PLXNA1: variants seen among roughly 807,000 people sequenced by gnomAD.
PLXNA1 encodes the protein plexin-A1.
Under a neutral mutation model 191.7 loss-of-function variants are expected in PLXNA1, and 77 were observed. The observed-to-expected ratio is 0.40, with a 90% CI of 0.33 to 0.49. The LOEUF is 0.49. Ranked by LOEUF, PLXNA1 falls within the 20% of genes least tolerant of loss-of-function variation. PLXNA1 has a pLI of 0.63. For missense variants in PLXNA1, 2,110 were observed against 2,660.2 expected, an observed-to-expected ratio of 0.79 and a Z score of 4.55; for synonymous variants, 1,137 against 1,156.4, an observed-to-expected ratio of 0.98 and a Z score of 0.34.
intron 9 of PLXNA1, 119 bp from the exon 10 acceptor site, chr3:127,011,839 G>A: frequency 1.1e-6 from 1 of 933,560 alleles, no homozygotes; most frequent in Non-Finnish European, 1.7e-6. Flanking sequence ...TGCATAAAAT[G>A]GGCACATTGG....
chr3:127,027,685 T>C, intron 23 of PLXNA1: 1 of 645,080 alleles, frequency 1.6e-6, no homozygotes, highest in Non-Finnish European at 2.9e-6. Context: ...GATACACTAC[T>C]GCGCCTCCTG....
chr3:127,033,398 G>C (rs557868967), intron 31 of PLXNA1, among the ~76,000 whole-genome samples: 1 of 152,334 alleles, frequency 6.6e-6, no homozygotes, highest in African/African-American at 2.4e-5. Flanking sequence ...GAGTGAACCA[G>C]AGCCACCCTG....
chr3:126,989,234 A>T lies in PLXNA1; in HGVS notation c.641A>T (p.Asp214Val), dbSNP rs763985958. The stretch of plus-strand genomic sequence containing the variant: ...CTCATGGCCAACGAGGAGGATGCCG[A>T]CATGTTCGGCTTCGTGTACCAGGAT... ...RRLMANEEDA[D>V]MFGFVYQDEF... Residue 214 changes from aspartate (D) to valine (V), a missense_variant, in exon 2 of 32, where the codon GAC becomes GTC. By Grantham distance (152) the Asp-to-Val change is radical. Transcript: ENST00000393409. The T allele has an allele frequency of 2.6e-5, 42 of 1,613,546 alleles. No homozygotes were observed. The highest frequency in any genetic ancestry group is 3.5e-5 in the Non-Finnish European group (41 of 1,180,058).
intron 3 of PLXNA1, among the ~76,000 whole-genome samples, chr3:127,001,507 GA>G (rs1275254506): frequency 6.6e-6 from 1 of 152,194 alleles, no homozygotes; most frequent in African/African-American, 2.4e-5. Context: ...TTCACAGCGG[GA>G]AGCCGCTGGG....
intron 19 of PLXNA1, 28 bp from the exon 20 acceptor site, chr3:127,018,266 C>T (rs367550031): frequency 2.6e-6 from 4 of 1,552,254 alleles, no homozygotes; most frequent in Non-Finnish European, 3.5e-6. Context: ...GCATGGGAAG[C>T]TCCTGAGTGG....
At chr3:126,991,659 G>T in intron 3 of PLXNA1, 93 bp downstream of exon 3, 1 of 1,308,102 alleles carries the variant, frequency 7.6e-7, no homozygotes, top group South Asian at 1.5e-5. Flanking sequence ...GCTGCTGTAT[G>T]CTGTGGGAGG....
In PLXNA1 at chr3:127,008,689, G is replaced by C. The variant is rs561363307; in HGVS notation, c.2112+776G>C. Among the ~76,000 whole-genome samples, 5 of 152,282 alleles carry C rather than the reference G, an allele frequency of 3.3e-5. No individual in the cohort carries two copies. In the South Asian group the frequency reaches 1.0e-3, roughly 32 times the overall value. Reference sequence around the variant, plus strand: ...CTGTTGGCTGGAGGGGGCAGGTTCTGCTTGCCAGGGAGACCTTGGAGGCTG... The same window carrying C: ...CTGTTGGCTGGAGGGGGCAGGTTCTCCTTGCCAGGGAGACCTTGGAGGCTG... On this transcript the variant is annotated intron_variant, in intron 9 of 31. Coordinates refer to ENST00000393409, the MANE Select transcript of PLXNA1 (RefSeq NM_032242.4).
In PLXNA1 at chr3:127,012,218, G is replaced by C. The variant is rs535860934; in HGVS notation, c.2313+60G>C. On this transcript the variant is annotated intron_variant, in intron 10 of 31. Transcript: ENST00000393409. ...GCCGGAATGGGCCGGTTATCCTCAC[G>C]GCCCTGGGTCCTGGCGTGTGCTTGT... 9.1e-6 allele frequency: 14 copies of C among 1,545,322 alleles called. No individual in the cohort carries two copies. In the South Asian group the frequency reaches 1.5e-4, roughly 16 times the overall value.
chr3:127,007,549 G>C (rs569063709), intron 8 of PLXNA1, among the ~76,000 whole-genome samples: 163 of 152,294 alleles, frequency 1.1e-3, no homozygotes, highest in Non-Finnish European at 2.1e-3. Flanking sequence ...AGGGAGCCTG[G>C]GGTCAGGAGT....
At chr3:127,001,042 C>T (rs965143056) in intron 3 of PLXNA1, among the ~76,000 whole-genome samples, 3 of 152,136 alleles carry the variant, frequency 2.0e-5, no homozygotes, top group Non-Finnish European at 4.4e-5. Flanking sequence ...CTCCCGGCTG[C>T]AGCTGTCAGA....
intron 1 of PLXNA1, among the ~76,000 whole-genome samples, chr3:126,984,208 G>A (rs192234977): frequency 0.022 from 3,346 of 152,268 alleles, 52 homozygotes; most frequent in Non-Finnish European, 0.039. Flanking sequence ...GAAAGGAGGG[G>A]AGGGGCTCCG....
At chr3:127,027,654 G>C (rs1312738514) in intron 23 of PLXNA1, 2 of 568,214 alleles carry the variant, frequency 3.5e-6, no homozygotes, top group Admixed American at 2.2e-5. Flanking sequence ...TGCAGGTCCC[G>C]CGTGCCACGC....
In PLXNA1 at chr3:127,011,109, T is replaced by C. The variant is rs529657642; in HGVS notation, c.2113-849T>C. 2.5e-3 allele frequency among the ~76,000 whole-genome samples: 377 copies of C among 152,334 alleles called. 1 individual carries two copies. Among genetic ancestry groups the C allele is most frequent in the African/African-American group, 8.6e-3 (358 of 41,582 alleles). On this transcript the variant is annotated intron_variant, in intron 9 of 31. Coordinates refer to ENST00000393409, the MANE Select transcript of PLXNA1 (RefSeq NM_032242.4). ...CTGCCAGGGAGGTACAGCATAGGTA[T>C]GGCCACTGTGCGTGCCTGTGCCTTC... is the stretch of plus-strand genomic sequence containing the variant.
intron 5 of PLXNA1, 37 bp from the exon 6 acceptor site, chr3:127,004,848 C>A (rs1368862021): frequency 1.9e-6 from 3 of 1,565,108 alleles, no homozygotes; most frequent in African/African-American, 2.7e-5. Flanking sequence ...CCCCGTAGGT[C>A]TCCCCATCCG....
At chr3:127,012,228 C>T in intron 10 of PLXNA1, 70 bp downstream of exon 10, 5 of 1,498,644 alleles carry the variant, frequency 3.3e-6, no homozygotes, top group Non-Finnish European at 4.6e-6. Flanking sequence ...GGCCCTGGGT[C>T]CTGGCGTGTG....
intron 14 of PLXNA1, 120 bp from the exon 15 acceptor site, chr3:127,015,064 G>A: frequency 7.0e-7 from 1 of 1,429,514 alleles, no homozygotes; most frequent in Non-Finnish European, 9.4e-7. Flanking sequence ...CAGCTCCCGG[G>A]CATGCGGGCT....
At position 126,991,547 on chromosome 3, in the gene PLXNA1, G is replaced by C. The variant is rs149382163; in HGVS notation, c.1358G>C (p.Arg453Pro). The change falls in exon 3 of 32, where the codon CGA becomes CCA. Residue 453 changes from arginine (R) to proline (P), a missense_variant. By Grantham distance (103) the Arg-to-Pro change is moderately radical. Coordinates refer to ENST00000393409, the MANE Select transcript of PLXNA1 (RefSeq NM_032242.4). Reference sequence around the variant, plus strand: ...CGCACTGTGGTATTCGCCGGCACGCGAAGTGGCCGCATCCGCAAGGTCAGG... The same window carrying C: ...CGCACTGTGGTATTCGCCGGCACGCCAAGTGGCCGCATCCGCAAGGTCAGG... Reference protein sequence around the residue: ...RGRTVVFAGTRSGRIRKILVD... With the variant: ...RGRTVVFAGTPSGRIRKILVD... 101 of 1,585,188 alleles carry C rather than the reference G, an allele frequency of 6.4e-5. No individual in the cohort carries two copies. Among genetic ancestry groups the C allele is most frequent in the Admixed American group, 1.0e-4 (6 of 58,690 alleles).
intron 25 of PLXNA1, among the ~76,000 whole-genome samples, 177 bp downstream of exon 25, chr3:127,028,517 G>A (rs1379385761): frequency 6.6e-6 from 1 of 152,170 alleles, no homozygotes; most frequent in African/African-American, 2.4e-5. Flanking sequence ...GAGGGTGGCT[G>A]CCCTGCTCTG....
chr3:127,027,340 T>C, intron 23 of PLXNA1: 1 of 327,844 alleles, frequency 3.1e-6, no homozygotes, highest in Non-Finnish European at 5.9e-6. Flanking sequence ...GCTTGGGTGC[T>C]GGTGAACCTC....
Sources: gnomAD v4.1 joint callset for allele counts (sites outside exome capture counted in the v4.1 genomes callset) on GRCh38, gnomAD v4.1.1 for gene constraint, MANE v1.5 for transcripts, NCBI Gene and HGNC (gene_info 2026-07-23, HGNC 2026-07-21) for gene names.